The following FUT8 variants were observed in gnomAD, a reference collection of about 807,000 sequenced individuals.
FUT8 encodes alpha-(1,6)-fucosyltransferase.
Under a neutral mutation model 71.3 loss-of-function variants are expected in FUT8, and 29 were observed. The observed-to-expected ratio is 0.41, with a 90% CI of 0.30 to 0.55. The LOEUF is 0.55. Ranked by LOEUF, FUT8 falls within the 20% of genes least tolerant of loss-of-function variation. The probability of loss-of-function intolerance (pLI) is 0.34; values close to 1 mark genes in which losing one functional copy is unlikely to be tolerated. For synonymous variants in FUT8, 254 were observed against 239.3 expected (o/e 1.06, Z -0.57); for missense variants, 544 against 702.1 (o/e 0.77, Z 2.55).
At chr14:65,568,126 T>C (rs1307054007) in intron 3 of FUT8, among the ~76,000 whole-genome samples, 1 of 151,814 alleles carries the variant, frequency 6.6e-6, no homozygotes, top group African/African-American at 2.4e-5. Context: ...GCTCTTTTTT[T>C]TTCTCATGTC....
intron 3 of FUT8, among the ~76,000 whole-genome samples, chr14:65,591,840 C>CTT (rs372894220): frequency 8.3e-5 from 10 of 120,114 alleles, no homozygotes; most frequent in South Asian, 2.7e-4. Flanking sequence ...TTGAAGCAGG[C>CTT]TTTTTTTTTT....
intron 2 of FUT8, among the ~76,000 whole-genome samples, chr14:65,538,170 T>A (rs1366948192): frequency 1.3e-5 from 2 of 152,188 alleles, no homozygotes; most frequent in Non-Finnish European, 2.9e-5. Flanking sequence ...CACCAAACCC[T>A]CTGGGCTCTA....
At chr14:65,379,748 A>G in the FUT8 span, among the ~76,000 whole-genome samples, 1 of 152,170 alleles carries the variant, frequency 6.6e-6, no homozygotes, top group Non-Finnish European at 1.5e-5. Context: ...GGACTGAGTA[A>G]TGTATAAACA....
intron 1 of FUT8, among the ~76,000 whole-genome samples, chr14:65,451,419 A>T (rs546741800): frequency 6.6e-6 from 1 of 152,356 alleles, no homozygotes; most frequent in Admixed American, 6.5e-5. Flanking sequence ...GCCTGCGACT[A>T]TTGAAGCTCC....
At chr14:65,717,212 C>A (rs1341647893) in intron 7 of FUT8, among the ~76,000 whole-genome samples, 4 of 86,622 alleles carry the variant, frequency 4.6e-5, no homozygotes, top group Admixed American at 1.2e-4. Flanking sequence ...CGCTCCTCAC[C>A]TCCCAGACGG....
At chr14:65,450,420 G>A (rs552568525) in intron 1 of FUT8, among the ~76,000 whole-genome samples, 8 of 151,918 alleles carry the variant, frequency 5.3e-5, no homozygotes, top group South Asian at 2.1e-4. Flanking sequence ...TATACTTATC[G>A]TTTTACTTCT....
intron 7 of FUT8, among the ~76,000 whole-genome samples, chr14:65,694,877 A>G (rs1256924955): frequency 8.7e-6 from 1 of 114,586 alleles, no homozygotes; most frequent in Non-Finnish European, 1.6e-5. Flanking sequence ...GGAACATCAC[A>G]CTCTGGGGAC....
intron 3 of FUT8, among the ~76,000 whole-genome samples, chr14:65,605,514 G>A (rs1888534825): frequency 6.6e-6 from 1 of 151,928 alleles, no homozygotes; most frequent in Non-Finnish European, 1.5e-5. Flanking sequence ...AACAAAAGAG[G>A]GGAGGCTTGC....
At chr14:65,393,867 C>T in the FUT8 span, among the ~76,000 whole-genome samples, 2 of 152,078 alleles carry the variant, frequency 1.3e-5, no homozygotes, top group Non-Finnish European at 2.9e-5. Flanking sequence ...CTGGGGAGGC[C>T]TTACAATCAT....
intron 7 of FUT8, among the ~76,000 whole-genome samples, chr14:65,677,667 T>A (rs1892826915): frequency 1.3e-5 from 2 of 152,100 alleles, no homozygotes; most frequent in Admixed American, 1.3e-4. Flanking sequence ...TGTTTTTAAT[T>A]ATAAAGTTTC....
In FUT8 at chr14:65,638,859, C is replaced by A. The variant is rs1890695861; in HGVS notation, c.597+9253C>A. 6.6e-6 allele frequency among the ~76,000 whole-genome samples: 1 copy of A among 152,090 alleles called. No individual in the cohort carries two copies. The highest frequency in any genetic ancestry group is 2.4e-5 in the African/African-American group (1 of 41,382). ...ATTCAGATTGCATTTGTATTTCCGC[C>A]TAACCAAAATAAAGCCAGAAGTGGT... On this transcript the variant is annotated intron_variant, in intron 6 of 10. Transcript: ENST00000673929. This position sits in a 1 kb window ranked among gnomAD's most constrained non-coding sequence, Gnocchi z 4.5.
At position 65,561,583 on chromosome 14, in the gene FUT8, C is replaced by T. The variant is rs752511284; in HGVS notation, c.20C>T (p.Ser7Phe). The change falls in exon 3 of 11, where the codon TCC becomes TTC. Residue 7 changes from serine (S) to phenylalanine (F), a missense_variant. Coordinates refer to ENST00000673929, the MANE Select transcript of FUT8 (RefSeq NM_001371533.1). ...CTGAAAATGCGGCCATGGACTGGTT[C>T]CTGGCGTTGGATTATGCTCATTCTT... is the stretch of plus-strand genomic sequence containing the variant. MRPWTG[S>F]WRWIMLILFA... The T allele has an allele frequency of 1.6e-4, 266 of 1,613,260 alleles. No homozygotes were observed. Among genetic ancestry groups the T allele is most frequent in the Non-Finnish European group, 2.2e-4 (254 of 1,179,516 alleles).
At chr14:65,515,125 T>TA (rs764860243) in intron 2 of FUT8, among the ~76,000 whole-genome samples, 2,261 of 152,282 alleles carry the variant, frequency 0.015, 19 homozygotes, top group South Asian at 0.024. Flanking sequence ...CAGTTCCTAG[T>TA]GTAGTCTAGG....
intron 2 of FUT8, among the ~76,000 whole-genome samples, chr14:65,497,508 C>A (rs1274201977): frequency 6.6e-6 from 1 of 152,114 alleles, no homozygotes; most frequent in East Asian, 1.9e-4. Flanking sequence ...TTAATTTATT[C>A]TTCCCGATGA....
chr14:65,361,677 A>G, the FUT8 span, among the ~76,000 whole-genome samples: 2 of 152,006 alleles, frequency 1.3e-5, no homozygotes. Context: ...ATTCCCAGCT[A>G]CTTGGGAGGC....
chr14:65,375,316 A>G, the FUT8 span, among the ~76,000 whole-genome samples: 1 of 152,172 alleles, frequency 6.6e-6, no homozygotes, highest in Non-Finnish European at 1.5e-5. Context: ...CATGGACATA[A>G]ATAGCAAGAA....
the FUT8 span, among the ~76,000 whole-genome samples, chr14:65,402,359 C>T: frequency 6.6e-6 from 1 of 151,178 alleles, no homozygotes; most frequent in Non-Finnish European, 1.5e-5. Flanking sequence ...CACCATCATG[C>T]CCAGCTAATT....
the FUT8 span, among the ~76,000 whole-genome samples, chr14:65,365,765 C>T: frequency 6.6e-6 from 1 of 152,104 alleles, no homozygotes; most frequent in Non-Finnish European, 1.5e-5. Flanking sequence ...CAATAAATAA[C>T]CATATAAATG....
At chr14:65,646,994 T>C (rs549211874) in intron 6 of FUT8, among the ~76,000 whole-genome samples, 12 of 152,342 alleles carry the variant, frequency 7.9e-5, no homozygotes, top group African/African-American at 2.2e-4. Context: ...TTGACCTATC[T>C]AAACCTAAAA....
Sources: gnomAD v4.1 joint callset for allele counts (sites outside exome capture counted in the v4.1 genomes callset) on GRCh38, gnomAD v4.1.1 for gene constraint, Gnocchi (gnomAD v3.1) non-coding constraint, MANE v1.5 for transcripts, NCBI Gene and HGNC (gene_info 2026-07-23, HGNC 2026-07-21) for gene names.